SRGAP3: variants seen among roughly 807,000 people sequenced by gnomAD.
SRGAP3 encodes SLIT-ROBO Rho GTPase activating protein 3.
A neutral mutation model predicts 121.1 loss-of-function variants in SRGAP3; 39 were observed. The ratio of observed to expected loss-of-function variants is 0.32; its 90% CI spans 0.25 to 0.42. The LOEUF is 0.42. Ranked by LOEUF, SRGAP3 falls within the 10% of genes least tolerant of loss-of-function variation. The pLI is 1.00. For missense variants in SRGAP3, 1,213 were observed against 1,470.6 expected (o/e 0.82, Z 2.86); for synonymous variants, 601 against 570.0 (o/e 1.05, Z -0.77).
chr3:9,097,992 G>A (rs968820847), intron 3 of SRGAP3, among the ~76,000 whole-genome samples: 18 of 152,086 alleles, frequency 1.2e-4, no homozygotes, highest in South Asian at 2.1e-4. Flanking sequence ...CCCCTGCACC[G>A]AAATACAGTC....
At chr3:8,987,854 C>A (rs1941810967) in intron 21 of SRGAP3, among the ~76,000 whole-genome samples, 1 of 152,152 alleles carries the variant, frequency 6.6e-6, no homozygotes, top group Non-Finnish European at 1.5e-5. Flanking sequence ...TGCAGTGACA[C>A]AGCCGGCTTT....
Position 9,013,805 on chromosome 3 carries a change from T to A in SRGAP3, c.1851A>T (p.Gln617His), listed in dbSNP as rs1314390373. ...ENPAERVHQIQQILVTLPRVV... is the reference protein window; with the variant it reads ...ENPAERVHQIHQILVTLPRVV... ...CGCGGGGAAGGGTGACGAGGATTTGTTGGATCTGGTGCACCCTCTCGGCTG... is the reference window on the plus strand; with the variant it reads ...CGCGGGGAAGGGTGACGAGGATTTGATGGATCTGGTGCACCCTCTCGGCTG... The change falls in exon 16 of 22, where the codon CAA becomes CAT. Residue 617 changes from glutamine to histidine, a missense_variant. This residue lies in a region of SRGAP3 where 793 missense variants were observed against 1,032.9 expected (regional missense o/e 0.77). Transcript: ENST00000383836. 6.2e-7 allele frequency: 1 copy of A among 1,614,180 alleles called. No homozygotes were observed. Among genetic ancestry groups the A allele is most frequent in the South Asian group, 1.1e-5 (1 of 91,086 alleles).
chr3:8,987,432 T>A (rs1023437178), intron 21 of SRGAP3, among the ~76,000 whole-genome samples: 1 of 150,066 alleles, frequency 6.7e-6, no homozygotes, highest in Non-Finnish European at 1.5e-5. Context: ...AAAAAATAAA[T>A]AAAAAGTATG....
intron 3 of SRGAP3, among the ~76,000 whole-genome samples, chr3:9,098,895 G>A (rs553028047): frequency 9.2e-5 from 14 of 152,232 alleles, no homozygotes; most frequent in African/African-American, 1.4e-4. Flanking sequence ...GTGACCGTTC[G>A]CGACTTCATC....
At chr3:9,291,119 TA>T (rs1954861723) in intron 3 of SRGAP3, among the ~76,000 whole-genome samples, 1 of 152,174 alleles carries the variant, frequency 6.6e-6, no homozygotes, top group Non-Finnish European at 1.5e-5. Flanking sequence ...CCCCCCTGAA[TA>T]ACTCCTTCCT....
rs780611555 is a variant in SRGAP3, at chr3:8,985,514, G to T, written c.*5C>A. 1.9e-6 allele frequency: 3 copies of T among 1,598,744 alleles called. No individual in the cohort carries two copies. Among genetic ancestry groups the T allele is most frequent in the Non-Finnish European group, 2.5e-6 (3 of 1,179,442 alleles). ...GGGCCACGGCGGCGCGGCCCATCCT[G>T]CAGGTCACATGGTGCCCGACTTGTC... On this transcript the variant is annotated 3_prime_UTR_variant, in exon 22 of 22. Transcript: ENST00000383836. The surrounding 1 kb of genome is among the most constrained non-coding windows in gnomAD (Gnocchi z 5.1).
At chr3:9,261,246 C>A (rs1161888611) in intron 3 of SRGAP3, among the ~76,000 whole-genome samples, 1 of 152,128 alleles carries the variant, frequency 6.6e-6, no homozygotes, top group Non-Finnish European at 1.5e-5. Flanking sequence ...TGAGGAAAAA[C>A]CGAAGCAAAA....
chr3:9,233,515 C>A (rs1449579367), intron 1 of SRGAP3, among the ~76,000 whole-genome samples: 1 of 152,176 alleles, frequency 6.6e-6, no homozygotes, highest in African/African-American at 2.4e-5. Context: ...CTTTCTGGAA[C>A]CACTTTTATC....
chr3:9,120,838 G>A (rs1412969833), intron 2 of SRGAP3, among the ~76,000 whole-genome samples: 1 of 152,332 alleles, frequency 6.6e-6, no homozygotes, highest in East Asian at 1.9e-4. Context: ...GAACCATCAC[G>A]TGGGCCTTTC....
intron 1 of SRGAP3, chr3:9,362,749 G>A (rs2030965452): frequency 6.6e-6 from 1 of 152,166 alleles, no homozygotes; most frequent in Admixed American, 6.5e-5. Flanking sequence ...GGTGTCTCCA[G>A]CTTTAAAACA....
At position 8,984,128 on chromosome 3, in the gene SRGAP3, A is replaced by G. The variant is rs1261321906; in HGVS notation, c.*1391T>C. 4.3e-6 allele frequency: 1 copy of G among 231,588 alleles called. No individual in the cohort carries two copies. The highest frequency in any genetic ancestry group is 8.5e-6 in the Non-Finnish European group (1 of 117,086). 14.3% of individuals were successfully genotyped at this position (231,588 alleles called of 1,614,324 possible). ...GGCCTGGCTGTCACACGTGAAGATC[A>G]TGCACCCATTTCTATCACCACATTT... On this transcript the variant is annotated 3_prime_UTR_variant, in exon 22 of 22. Transcript: ENST00000383836.
chr3:9,158,992 G>A (rs13066241), intron 1 of SRGAP3, among the ~76,000 whole-genome samples: 33,343 of 152,112 alleles, frequency 0.22, 4,304 homozygotes, highest in Admixed American at 0.31. Context: ...TAGTCTCTGC[G>A]CTGCTCACAT....
intron 1 of SRGAP3, among the ~76,000 whole-genome samples, chr3:9,148,853 G>T (rs984821424): frequency 6.6e-6 from 1 of 152,184 alleles, no homozygotes; most frequent in Non-Finnish European, 1.5e-5. Flanking sequence ...AGAGTGGGCT[G>T]AAGAAAGAAT....
At chr3:9,346,563 C>T (rs1955894142) in intron 1 of SRGAP3, among the ~76,000 whole-genome samples, 1 of 152,040 alleles carries the variant, frequency 6.6e-6, no homozygotes. Flanking sequence ...GGTCTTTTGA[C>T]CCAATTAAGT....
chr3:9,204,680 CATG>C (rs1952200228), intron 1 of SRGAP3, among the ~76,000 whole-genome samples: 1 of 151,852 alleles, frequency 6.6e-6, no homozygotes, highest in Non-Finnish European at 1.5e-5. Context: ...TAAGTGAATG[CATG>C]ATTTTTCCCT....
intron 4 of SRGAP3, among the ~76,000 whole-genome samples, chr3:9,065,704 T>C (rs1048637155): frequency 1.6e-4 from 24 of 152,240 alleles, no homozygotes; most frequent in Non-Finnish European, 2.8e-4. Flanking sequence ...TTCCATTGTA[T>C]GGCTATGCCA....
At chr3:9,224,165 C>T (rs189242078) in intron 1 of SRGAP3, among the ~76,000 whole-genome samples, 7 of 152,312 alleles carry the variant, frequency 4.6e-5, no homozygotes, top group East Asian at 1.9e-4. Flanking sequence ...GTTTCGTCAC[C>T]GAGTGCTACC....
intron 1 of SRGAP3, among the ~76,000 whole-genome samples, chr3:9,351,848 A>T (rs560031514): frequency 3.9e-5 from 6 of 152,334 alleles, no homozygotes; most frequent in Non-Finnish European, 5.9e-5. Context: ...GTGGCTCAAA[A>T]GTAAAAACAG....
In SRGAP3 at chr3:8,985,231, G is replaced by A. The variant is rs1418066813; in HGVS notation, c.*288C>T. The A allele has an allele frequency of 5.2e-5, 27 of 518,528 alleles. No homozygotes were observed. Among genetic ancestry groups the A allele is most frequent in the Middle Eastern group, 5.3e-4 (1 of 1,902 alleles). The allele number at this position is 518,528 out of a possible 1,614,324, so 32.1% of individuals were successfully genotyped here. A position where few individuals can be genotyped will look rare whatever the true frequency, so the allele number is the denominator to read the frequency against. On this transcript the variant is annotated 3_prime_UTR_variant, in exon 22 of 22. Transcript: ENST00000383836. The surrounding 1 kb of genome is among the most constrained non-coding windows in gnomAD (Gnocchi z 5.1). Reference sequence around the variant, plus strand: ...AAGTTTCCAGTGACGATATGCGGGAGAAGCCATGTGGTATTTTGCCTCCAT... The same window carrying A: ...AAGTTTCCAGTGACGATATGCGGGAAAAGCCATGTGGTATTTTGCCTCCAT...
Sources: gnomAD v4.1 joint callset for allele counts (sites outside exome capture counted in the v4.1 genomes callset) on GRCh38, gnomAD v4.1.1 for gene constraint, gnomAD v4.1.1 regional missense constraint, Gnocchi (gnomAD v3.1) non-coding constraint, MANE v1.5 for transcripts, NCBI Gene and HGNC (gene_info 2026-07-23, HGNC 2026-07-21) for gene names.